The following SRPK1 variants were observed in gnomAD, a reference collection of about 807,000 sequenced individuals.
SRPK1 encodes SFRS protein kinase 1.
A neutral mutation model predicts 89.5 loss-of-function variants in SRPK1; 52 were observed. That is an observed-to-expected ratio of 0.58 (90% CI 0.46 to 0.73). The LOEUF (loss-of-function observed/expected upper bound fraction) is 0.73. SRPK1 is among the 30% of genes least tolerant of loss of function. The pLI, the probability that SRPK1 is intolerant of heterozygous loss-of-function variation, is 0.00. For synonymous variants in SRPK1, 255 were observed against 270.2 expected (o/e 0.94, Z 0.55); for missense variants, 603 against 780.6 (o/e 0.77, Z 2.71).
At chr6:35,858,006 G>A (rs575472097) in intron 12 of SRPK1, among the ~76,000 whole-genome samples, 1 of 152,238 alleles carries the variant, frequency 6.6e-6, no homozygotes, top group African/African-American at 2.4e-5. Context: ...TTAGAGAATT[G>A]TCTTCCACAC....
At chr6:35,868,920 C>T in intron 12 of SRPK1, 90 bp downstream of exon 12, 1 of 974,694 alleles carries the variant, frequency 1.0e-6, no homozygotes, top group Admixed American at 2.6e-5. Context: ...AATCTGGGTA[C>T]AGAATTATGG....
Position 35,880,804 on chromosome 6 carries a change from G to A in SRPK1, c.478+5920C>T, listed in dbSNP as rs184666646. 5.7e-3 allele frequency among the ~76,000 whole-genome samples: 716 copies of A among 125,114 alleles called. 6 individuals carry two copies. The highest frequency in any genetic ancestry group is 9.5e-3 in the Non-Finnish European group (547 of 57,818). The allele number at this position is 125,114 out of a possible 152,430, so 82.1% of individuals were successfully genotyped here. ...CAGAATATTTGAAAAAAAAAACAAC[G>A]GTTGAAAACGTCACAAATTAGATGA... is the stretch of plus-strand genomic sequence containing the variant. On this transcript the variant is annotated intron_variant, in intron 6 of 15. Transcript: ENST00000373825.
At chr6:35,915,946 T>C (rs546509452) in intron 2 of SRPK1, among the ~76,000 whole-genome samples, 53 of 125,354 alleles carry the variant, frequency 4.2e-4, no homozygotes, top group African/African-American at 1.5e-3. Flanking sequence ...AACTCCAGCC[T>C]GGGCGACAGA....
At chr6:35,899,016 C>G (rs1033912187) in intron 2 of SRPK1, among the ~76,000 whole-genome samples, 1 of 152,138 alleles carries the variant, frequency 6.6e-6, no homozygotes, top group Admixed American at 6.6e-5. Flanking sequence ...CAAAAATTAG[C>G]TGGGCATGGT....
intron 2 of SRPK1, among the ~76,000 whole-genome samples, chr6:35,904,381 G>A (rs1455558265): frequency 6.6e-6 from 1 of 152,130 alleles, no homozygotes; most frequent in African/African-American, 2.4e-5. Flanking sequence ...ATCACTCAGA[G>A]AGGGAACTTG....
At chr6:35,915,406 C>CAAAAAAAA (rs560685673) in intron 2 of SRPK1, among the ~76,000 whole-genome samples, 2 of 73,906 alleles carry the variant, frequency 2.7e-5, no homozygotes, top group Non-Finnish European at 2.5e-5. Flanking sequence ...GACACCGTCT[C>CAAAAAAAA]AAAAAAAAAA....
chr6:35,859,361 C>T (rs919301337), intron 12 of SRPK1, among the ~76,000 whole-genome samples: 1 of 152,058 alleles, frequency 6.6e-6, no homozygotes, highest in African/African-American at 2.4e-5. Context: ...CTGTCTCCCC[C>T]ACTGTGTACA....
At chr6:35,859,808 G>C (rs1431155850) in intron 12 of SRPK1, among the ~76,000 whole-genome samples, 1 of 152,068 alleles carries the variant, frequency 6.6e-6, no homozygotes, top group African/African-American at 2.4e-5. Context: ...GCCTACATCA[G>C]AGTATGTGCC....
chr6:35,862,825 A>AAAC (rs138109026), intron 12 of SRPK1, among the ~76,000 whole-genome samples: 9,619 of 151,942 alleles, frequency 0.063, 900 homozygotes, highest in African/African-American at 0.21. Context: ...AGATATCTTA[A>AAAC]AACAACAACA....
chr6:35,900,794 T>C, intron 2 of SRPK1, among the ~76,000 whole-genome samples: 1 of 152,122 alleles, frequency 6.6e-6, no homozygotes, highest in East Asian at 1.9e-4. Context: ...AATGGAAATT[T>C]AGGGAGAGGA....
At chr6:35,837,034 A>T (rs769751461) in intron 15 of SRPK1, among the ~76,000 whole-genome samples, 2 of 152,286 alleles carry the variant, frequency 1.3e-5, no homozygotes, top group South Asian at 2.1e-4. Context: ...GAAAAAGGGA[A>T]CCATGGCACA....
At position 35,885,298 on chromosome 6, in the gene SRPK1, C is replaced by CACACAGAGAGAGAGAGAG. The variant is rs1276672274; in HGVS notation, c.478+1425_478+1426insCTCTCTCTCTCTCTGTGT. Among the ~76,000 whole-genome samples the CACACAGAGAGAGAGAGAG allele has an allele frequency of 6.2e-5, 7 of 113,184 alleles. No individual in the cohort carries two copies. In the South Asian group the frequency reaches 1.2e-3, roughly 19 times the overall value. 74.3% of individuals were successfully genotyped at this position (113,184 alleles called of 152,430 possible). ...ACACACACACACACACACACACACACAGAGAGAGAGAGAGAGAGAGAGAGA... is the reference window on the plus strand; with the variant it reads ...ACACACACACACACACACACACACACACACAGAGAGAGAGAGAGAGAGAGAGAGAGAGAGAGAGAGAGA... On this transcript the variant is annotated intron_variant, in intron 6 of 15. Transcript: ENST00000373825.
chr6:35,861,122 A>G (rs1769773345), intron 12 of SRPK1, among the ~76,000 whole-genome samples: 1 of 152,242 alleles, frequency 6.6e-6, no homozygotes. Context: ...GAACAGTCAG[A>G]AGATACCCAC....
intron 2 of SRPK1, among the ~76,000 whole-genome samples, chr6:35,917,157 CT>C (rs1179633757): frequency 6.6e-6 from 1 of 152,194 alleles, no homozygotes; most frequent in East Asian, 1.9e-4. Context: ...GGTATAAACA[CT>C]GAAAACAAAT....
chr6:35,908,422 T>C (rs957723751), intron 2 of SRPK1, among the ~76,000 whole-genome samples: 4 of 152,210 alleles, frequency 2.6e-5, no homozygotes, highest in East Asian at 3.9e-4. Flanking sequence ...ACTCATGCTA[T>C]GCTTTAGCAG....
chr6:35,862,848 A>AC (rs1769807494), intron 12 of SRPK1, among the ~76,000 whole-genome samples: 1 of 152,072 alleles, frequency 6.6e-6, no homozygotes, highest in African/African-American at 2.4e-5. Context: ...AACAACAACA[A>AC]ACCCCAGAAA....
chr6:35,893,112 T>C (rs1000225752), intron 2 of SRPK1, among the ~76,000 whole-genome samples: 3 of 152,224 alleles, frequency 2.0e-5, no homozygotes. Flanking sequence ...ATAAGGAGTC[T>C]GAATGAAGAA....
intron 1 of SRPK1, 145 bp from the exon 2 acceptor site, chr6:35,920,673 G>T: frequency 2.4e-6 from 1 of 418,524 alleles, no homozygotes; most frequent in South Asian, 1.1e-4. Context: ...GGCCGGCCGT[G>T]GGGCTGGCGG....
chr6:35,843,043 A>C (rs1462808686), intron 13 of SRPK1, among the ~76,000 whole-genome samples: 2 of 148,874 alleles, frequency 1.3e-5, no homozygotes, highest in Non-Finnish European at 3.0e-5. Flanking sequence ...GTCTCGGCTC[A>C]CTGCAAGCTC....
Sources: gnomAD v4.1 joint callset for allele counts (sites outside exome capture counted in the v4.1 genomes callset) on GRCh38, gnomAD v4.1.1 for gene constraint, MANE v1.5 for transcripts, NCBI Gene and HGNC (gene_info 2026-07-23, HGNC 2026-07-21) for gene names.